Variants in B3GAT2 observed in about 807,000 individuals in gnomAD.
B3GAT2 encodes galactosylgalactosylxylosylprotein 3-beta-glucuronosyltransferase 2.
Under a neutral mutation model 27.8 loss-of-function variants are expected in B3GAT2, and 26 were observed. The ratio of observed to expected loss-of-function variants is 0.93; its 90% CI spans 0.68 to 1.30. The LOEUF is 1.30. Among genes scored for constraint, B3GAT2 ranks in the 50% most tolerant of loss-of-function variants. The pLI, the probability that B3GAT2 is intolerant of heterozygous loss-of-function variation, is 0.00. For missense variants in B3GAT2, 458 were observed against 459.0 expected (o/e 1.00, Z 0.02); for synonymous variants, 218 against 195.1 (o/e 1.12, Z -0.98).
Position 70,956,896 on chromosome 6 carries a change from C to A in B3GAT2, c.-467G>T. The A allele has an allele frequency of 9.8e-7, 1 of 1,015,770 alleles. No individual in the cohort carries two copies. The highest frequency in any genetic ancestry group is 1.1e-4 in the East Asian group (1 of 8,948). 62.9% of individuals were successfully genotyped at this position (1,015,770 alleles called of 1,614,324 possible). A position where few individuals can be genotyped will look rare whatever the true frequency, so the allele number is the denominator to read the frequency against. ...ACGCTCTCTGGGACGCCTTCGAGGGCGGGCGGCGGCGCTGGGGGCTTTCCT... is the reference window on the plus strand; with the variant it reads ...ACGCTCTCTGGGACGCCTTCGAGGGAGGGCGGCGGCGCTGGGGGCTTTCCT... On this transcript the variant is annotated 5_prime_UTR_variant, in exon 1 of 4. Coordinates refer to ENST00000230053, the MANE Select transcript of B3GAT2 (RefSeq NM_080742.3).
At chr6:70,946,772 A>G (rs112477836) in intron 1 of B3GAT2, among the ~76,000 whole-genome samples, 106,555 of 149,630 alleles carry the variant, frequency 0.71, 38,098 homozygotes, top group African/African-American at 0.76. Flanking sequence ...AATCAACAGA[A>G]TATACATTTT....
At position 70,857,922 on chromosome 6, in the gene B3GAT2, G is replaced by A. The variant is rs374744107; in HGVS notation, c.*3741C>T. 7.4e-6 allele frequency: 12 copies of A among 1,613,386 alleles called. No individual in the cohort carries two copies. Among genetic ancestry groups the A allele is most frequent in the Non-Finnish European group, 1.0e-5 (12 of 1,179,658 alleles). On this transcript the variant is annotated 3_prime_UTR_variant, in exon 4 of 4. Transcript: ENST00000230053. ...CATTCATTTTCTTTTTGTGGTGCAGGTGTATTTATGGGACCCACAAATATA... is the reference window on the plus strand; with the variant it reads ...CATTCATTTTCTTTTTGTGGTGCAGATGTATTTATGGGACCCACAAATATA...
Position 70,857,126 on chromosome 6 carries a change from T to C in B3GAT2, c.*4537A>G. ...CAATTATATATCTTTTATTGTTCCA[T>C]GTAGTGAGTGCTTTTGTTGTTGCAG... On this transcript the variant is annotated 3_prime_UTR_variant, in exon 4 of 4. Transcript: ENST00000230053. The C allele has an allele frequency of 8.2e-7, 1 of 1,225,638 alleles. No individual in the cohort carries two copies. The highest frequency in any genetic ancestry group is 2.2e-5 in the South Asian group (1 of 45,298). The allele number at this position is 1,225,638 out of a possible 1,614,324, so 75.9% of individuals were successfully genotyped here. A position where few individuals can be genotyped will look rare whatever the true frequency, so the allele number is the denominator to read the frequency against.
At chr6:70,935,179 C>G (rs1773123367) in intron 1 of B3GAT2, among the ~76,000 whole-genome samples, 2 of 151,842 alleles carry the variant, frequency 1.3e-5, no homozygotes, top group East Asian at 3.9e-4. Context: ...GGTGTGGTGG[C>G]TCACACCAGT....
chr6:70,864,568 A>G (rs1489459279), intron 2 of B3GAT2, among the ~76,000 whole-genome samples: 1 of 152,204 alleles, frequency 6.6e-6, no homozygotes, highest in African/African-American at 2.4e-5. Flanking sequence ...GAGGAGCACA[A>G]TTCAGATGCC....
rs759092958 is a variant in B3GAT2, at chr6:70,864,940, A to C, written c.737-2962T>G. Among the ~76,000 whole-genome samples the C allele has an allele frequency of 2.0e-5, 3 of 152,100 alleles. No homozygotes were observed. In the East Asian group the frequency reaches 5.8e-4, roughly 29 times the overall value. On this transcript the variant is annotated intron_variant, in intron 2 of 3. Coordinates refer to ENST00000230053, the MANE Select transcript of B3GAT2 (RefSeq NM_080742.3). ...TTTTCTGCCCTGGTCAGCTGAGTAA[A>C]AAAAAAAATGCAAATAAAAATGATT... is the stretch of plus-strand genomic sequence containing the variant.
intron 1 of B3GAT2, among the ~76,000 whole-genome samples, chr6:70,917,473 T>C (rs1772793068): frequency 6.6e-6 from 1 of 152,198 alleles, no homozygotes; most frequent in African/African-American, 2.4e-5. Flanking sequence ...TGTAGTTCTT[T>C]TATAATTGCA....
chr6:70,918,272 T>G (rs1488642587), intron 1 of B3GAT2, among the ~76,000 whole-genome samples: 1 of 152,226 alleles, frequency 6.6e-6, no homozygotes, highest in African/African-American at 2.4e-5. Flanking sequence ...CTTCCATCAC[T>G]TTATTTGAGC....
At chr6:70,894,359 C>A in intron 1 of B3GAT2, 87 bp from the exon 2 acceptor site, 1 of 1,373,172 alleles carries the variant, frequency 7.3e-7, no homozygotes, top group East Asian at 2.4e-5. Flanking sequence ...AGAAGTAGGG[C>A]TGGTAGTGGT....
At chr6:70,908,089 C>T (rs1394191017) in intron 1 of B3GAT2, among the ~76,000 whole-genome samples, 2 of 152,160 alleles carry the variant, frequency 1.3e-5, no homozygotes, top group Non-Finnish European at 2.9e-5. Flanking sequence ...CTATTCTGGG[C>T]TGTTGGTTTG....
In B3GAT2 at chr6:70,861,627, A is replaced by G. The variant is rs1016600156; in HGVS notation, c.*36T>C. ...CAAACATCCTCTTCCATATGGATCC[A>G]CTGGCTGGACAAACTGCACCAGTTG... On this transcript the variant is annotated 3_prime_UTR_variant, in exon 4 of 4. Coordinates refer to ENST00000230053, the MANE Select transcript of B3GAT2 (RefSeq NM_080742.3). 13 of 1,586,426 alleles carry G rather than the reference A, an allele frequency of 8.2e-6. No homozygotes were observed. Among genetic ancestry groups the G allele is most frequent in the South Asian group, 1.1e-5 (1 of 89,784 alleles).
intron 2 of B3GAT2, among the ~76,000 whole-genome samples, chr6:70,882,640 A>G (rs1022749550): frequency 1.3e-5 from 2 of 152,252 alleles, no homozygotes; most frequent in African/African-American, 2.4e-5. Context: ...TGTAAATAGC[A>G]TATCTGATAA....
chr6:70,890,781 C>A (rs1279491327), intron 2 of B3GAT2, among the ~76,000 whole-genome samples: 1 of 152,186 alleles, frequency 6.6e-6, no homozygotes, highest in African/African-American at 2.4e-5. Context: ...TGCAGTACAC[C>A]TAGTTGTGTT....
rs893198411 is a variant in B3GAT2, at chr6:70,858,794, C to T, written c.*2869G>A. 6.5e-6 allele frequency: 1 copy of T among 152,720 alleles called. No individual in the cohort carries two copies. Among genetic ancestry groups the T allele is most frequent in the Non-Finnish European group, 1.5e-5 (1 of 68,472 alleles). The allele number at this position is 152,720 out of a possible 1,614,324, so 9.5% of individuals were successfully genotyped here. ...AGAAACCTTTGTAAAGTTGTATTTTCTTTTTACATACCCTATAATGACTTT... is the reference window on the plus strand; with the variant it reads ...AGAAACCTTTGTAAAGTTGTATTTTTTTTTTACATACCCTATAATGACTTT... On this transcript the variant is annotated 3_prime_UTR_variant, in exon 4 of 4. Transcript: ENST00000230053.
intron 1 of B3GAT2, among the ~76,000 whole-genome samples, chr6:70,902,627 TATATATATATACAC>T (rs56202914): frequency 8.4e-5 from 12 of 142,088 alleles, no homozygotes; most frequent in East Asian, 6.1e-4. Flanking sequence ...GATATATATA[TATATATATATACAC>T]ACACACACAC....
rs111760320 is a variant in B3GAT2, at chr6:70,934,731, C to A, written c.591+21108G>T. On this transcript the variant is annotated intron_variant, in intron 1 of 3. Transcript: ENST00000230053. ...AAGAAAATGATTCCCACCTTAATTACTTCTTTACGTAAAAAAAAGTTGACC... is the reference window on the plus strand; with the variant it reads ...AAGAAAATGATTCCCACCTTAATTAATTCTTTACGTAAAAAAAAGTTGACC... Among the ~76,000 whole-genome samples the A allele has an allele frequency of 9.3e-3, 1,422 of 152,260 alleles. 11 individuals carry two copies. The highest frequency in any genetic ancestry group is 0.048 in the Middle Eastern group (14 of 294).
rs1479328884 is a variant in B3GAT2, at chr6:70,856,929, A to G, written c.*4734T>C. On this transcript the variant is annotated 3_prime_UTR_variant, in exon 4 of 4. Transcript: ENST00000230053. ...TCTGGGGATCTAGATTTATTCACTG[A>G]GCAAACTACAAAATCAGAAGAAGTG... 3 of 1,613,912 alleles carry G rather than the reference A, an allele frequency of 1.9e-6. No individual in the cohort carries two copies. The African/African-American group carries it at 4.0e-5, about 22-fold the overall frequency.
intron 2 of B3GAT2, among the ~76,000 whole-genome samples, chr6:70,875,950 G>T (rs1772008213): frequency 6.6e-6 from 1 of 152,192 alleles, no homozygotes; most frequent in African/African-American, 2.4e-5. Context: ...TGGAAAATCT[G>T]ATCCTAATAA....
At chr6:70,893,089 G>A (rs1366315310) in intron 2 of B3GAT2, among the ~76,000 whole-genome samples, 2 of 152,176 alleles carry the variant, frequency 1.3e-5, no homozygotes, top group Non-Finnish European at 2.9e-5. Flanking sequence ...CTCCCACGAT[G>A]CCATGTGACA....
Sources: allele counts gnomAD v4.1 joint callset (sites outside exome capture counted in the v4.1 genomes callset), GRCh38; gene constraint gnomAD v4.1.1; transcripts MANE v1.5; gene names NCBI Gene and HGNC (gene_info 2026-07-23, HGNC 2026-07-21).